The following ETV6 variants were observed in gnomAD, a reference collection of about 807,000 sequenced individuals.
The protein encoded by ETV6 is ETS variant transcription factor 6.
ETV6 carries 16 observed loss-of-function variants against 51.1 expected under a neutral mutation model. That is an observed-to-expected ratio of 0.31 (90% CI 0.21 to 0.48). The LOEUF is 0.48. Ranked by LOEUF, ETV6 falls within the 20% of genes least tolerant of loss-of-function variation. The probability of loss-of-function intolerance (pLI) is 0.99; values close to 1 mark genes in which losing one functional copy is unlikely to be tolerated. For synonymous variants in ETV6, 240 were observed against 224.1 expected (o/e 1.07, Z -0.64); for missense variants, 458 against 594.8 (o/e 0.77, Z 2.39).
Position 11,871,315 on chromosome 12 carries a change from A to G in ETV6, c.1009+1346A>G, listed in dbSNP as rs182982553. Among the ~76,000 whole-genome samples, 1,319 of 150,762 alleles carry G rather than the reference A, an allele frequency of 8.7e-3. 12 individuals carry two copies. Among genetic ancestry groups the G allele is most frequent in the African/African-American group, 0.03 (1,208 of 40,918 alleles). ...GTCATTCTCCTGCCTCAGCCTCCTG[A>G]GTAGCTGCGACTACAGGCGCCCGCC... On this transcript the variant is annotated intron_variant, in intron 5 of 7. Transcript: ENST00000396373.
rs1000260375 is a variant in ETV6 at position 11,807,658 on chromosome 12, G to T, written c.164-31482G>T. Among the ~76,000 whole-genome samples the T allele has an allele frequency of 2.0e-5, 3 of 152,286 alleles. No individual in the cohort carries two copies. The South Asian group carries it at 6.2e-4, about 32-fold the overall frequency. ...AACCCACTTTAGTCTTTACTTACTG[G>T]CAGGCAGCAACATGTCCTATTTACA... On this transcript the variant is annotated intron_variant, in intron 2 of 7. Coordinates refer to ENST00000396373, the MANE Select transcript of ETV6 (RefSeq NM_001987.5).
In ETV6 at chr12:11,892,937, C is replaced by CAGGT. The variant is rs1591756892; in HGVS notation, c.*1894_*1897dup. The CAGGT allele has an allele frequency of 1.3e-5, 3 of 233,008 alleles. No homozygotes were observed. In the East Asian group the frequency reaches 1.8e-4, roughly 14 times the overall value. 14.4% of individuals were successfully genotyped at this position (233,008 alleles called of 1,614,324 possible). On this transcript the variant is annotated 3_prime_UTR_variant, in exon 8 of 8. Transcript: ENST00000396373. ...TCTGTCCCTGCCTCTTATCAGAGCA[C>CAGGT]AGGTAGACACACGGGCATAGCCAGC...
chr12:11,708,046 A>G (rs1020963289), intron 1 of ETV6, among the ~76,000 whole-genome samples: 2 of 152,162 alleles, frequency 1.3e-5, no homozygotes, highest in Non-Finnish European at 2.9e-5. Flanking sequence ...TTCTGTTATA[A>G]TTTTGAATGT....
At chr12:11,795,854 C>T (rs767421988) in intron 2 of ETV6, among the ~76,000 whole-genome samples, 5 of 152,064 alleles carry the variant, frequency 3.3e-5, no homozygotes, top group Non-Finnish European at 5.9e-5. Context: ...TAGGGTGGTT[C>T]GAAGAAATAA....
chr12:11,763,623 G>A (rs796860929), intron 2 of ETV6, among the ~76,000 whole-genome samples: 7 of 152,324 alleles, frequency 4.6e-5, no homozygotes, highest in Admixed American at 6.5e-5. Flanking sequence ...GTGTGTGCAC[G>A]CACGTGCTTT....
intron 1 of ETV6, among the ~76,000 whole-genome samples, chr12:11,692,853 C>CA (rs1482666492): frequency 6.6e-6 from 1 of 151,866 alleles, no homozygotes; most frequent in Non-Finnish European, 1.5e-5. Flanking sequence ...AGTTCAAGAC[C>CA]AGCCTGGGCA....
At chr12:11,669,835 G>T (rs1444829292) in intron 1 of ETV6, among the ~76,000 whole-genome samples, 1 of 152,204 alleles carries the variant, frequency 6.6e-6, no homozygotes, top group African/African-American at 2.4e-5. Flanking sequence ...CCACCAGCAC[G>T]TAATGTCTGG....
chr12:11,876,385 G>A (rs1044156031), intron 5 of ETV6, among the ~76,000 whole-genome samples: 1 of 152,168 alleles, frequency 6.6e-6, no homozygotes, highest in African/African-American at 2.4e-5. Context: ...ATCCTTGCTG[G>A]TGGAAGGCAA....
intron 1 of ETV6, among the ~76,000 whole-genome samples, chr12:11,666,671 T>C (rs562594801): frequency 1.3e-5 from 2 of 152,316 alleles, no homozygotes; most frequent in African/African-American, 4.8e-5. Flanking sequence ...TCTGTTGCCA[T>C]TGAGGTACAG....
At chr12:11,807,956 G>A (rs931649660) in intron 2 of ETV6, among the ~76,000 whole-genome samples, 28 of 152,056 alleles carry the variant, frequency 1.8e-4, no homozygotes, top group African/African-American at 2.7e-4. Flanking sequence ...AGGAGCATAC[G>A]TTTTTGTCTT....
intron 2 of ETV6, among the ~76,000 whole-genome samples, chr12:11,831,693 A>G (rs1946248947): frequency 6.6e-6 from 1 of 152,254 alleles, no homozygotes; most frequent in Non-Finnish European, 1.5e-5. Flanking sequence ...AGATTATTAC[A>G]TATGTACACA....
intron 2 of ETV6, among the ~76,000 whole-genome samples, chr12:11,774,848 G>A (rs547160882): frequency 2.6e-5 from 4 of 152,308 alleles, no homozygotes; most frequent in African/African-American, 9.6e-5. Flanking sequence ...ATGACAGAGG[G>A]TACTGCTTTA....
intron 1 of ETV6, 144 bp downstream of exon 1, chr12:11,650,304 C>G: frequency 4.0e-6 from 3 of 742,550 alleles, no homozygotes; most frequent in Non-Finnish European, 7.2e-6. Flanking sequence ...AGAGATGCAG[C>G]TCGCGGTGGC....
At chr12:11,802,117 G>A (rs932711032) in intron 2 of ETV6, among the ~76,000 whole-genome samples, 12 of 152,308 alleles carry the variant, frequency 7.9e-5, no homozygotes, top group Middle Eastern at 3.4e-3. Context: ...GGCCACTGCC[G>A]GGGGCTGATA....
rs188564415 is a variant in ETV6, at chr12:11,861,724, A to G, written c.464-7700A>G. ...GAGATAAGGGGCTGGGAGCAGTTTG[A>G]TTTCATCTCCAGAGAAGGAAGCCCT... On this transcript the variant is annotated intron_variant, in intron 4 of 7. Transcript: ENST00000396373. Among the ~76,000 whole-genome samples the G allele has an allele frequency of 1.6e-4, 24 of 152,166 alleles. 1 individual carries two copies. The East Asian group carries it at 4.6e-3, about 29-fold the overall frequency.
chr12:11,752,689 A>C (rs762470384), intron 2 of ETV6, 110 bp downstream of exon 2: 29 of 1,355,314 alleles, frequency 2.1e-5, no homozygotes, highest in Non-Finnish European at 2.8e-5. Context: ...TTTTCACAGG[A>C]CTTCGCCACG....
intron 1 of ETV6, among the ~76,000 whole-genome samples, chr12:11,732,133 A>C (rs999863955): frequency 6.6e-6 from 1 of 152,212 alleles, no homozygotes; most frequent in African/African-American, 2.4e-5. Context: ...GGCTCAGTGC[A>C]AATCTTTAGC....
At chr12:11,727,298 G>A (rs576634548) in intron 1 of ETV6, among the ~76,000 whole-genome samples, 57 of 152,368 alleles carry the variant, frequency 3.7e-4, no homozygotes, top group African/African-American at 1.3e-3. Flanking sequence ...CCGGCATCCC[G>A]CAGGCGGGCG....
chr12:11,726,058 A>G (rs1469916754), intron 1 of ETV6, among the ~76,000 whole-genome samples: 1 of 152,230 alleles, frequency 6.6e-6, no homozygotes, highest in Non-Finnish European at 1.5e-5. Flanking sequence ...AGAATTGTAT[A>G]TTAGCTATTT....
Sources: allele counts gnomAD v4.1 joint callset (sites outside exome capture counted in the v4.1 genomes callset), GRCh38; gene constraint gnomAD v4.1.1; transcripts MANE v1.5; gene names NCBI Gene and HGNC (gene_info 2026-07-23, HGNC 2026-07-21).